NAP1L2: variants seen among roughly 807,000 people sequenced by gnomAD.
NAP1L2 encodes nucleosome assembly protein 1-like 2.
For missense variants in NAP1L2, 376 were observed against 338.5 expected (o/e 1.11, Z -0.87); for synonymous variants, 165 against 126.0 (o/e 1.31, Z -2.07).
Position 73,214,555 on chromosome X carries a change from A to G in NAP1L2, c.-63T>C. On this transcript the variant is annotated 5_prime_UTR_variant, in exon 1 of 1. Transcript: ENST00000373517. Reference sequence around the variant, plus strand: ...AGAGATCGGGAGACCAAACCTCCACAGGAAAAGACTCACCGAAATATCAGA... The same window carrying G: ...AGAGATCGGGAGACCAAACCTCCACGGGAAAAGACTCACCGAAATATCAGA... 1.8e-6 allele frequency: 2 copies of G among 1,101,151 alleles called. No homozygotes were observed. Among genetic ancestry groups the G allele is most frequent in the South Asian group, 2.1e-5 (1 of 46,583 alleles). The allele number at this position is 1,101,151 out of a possible 1,213,427, so 90.7% of individuals were successfully genotyped here. A position where few individuals can be genotyped will look rare whatever the true frequency, so the allele number is the denominator to read the frequency against.
rs1024415165 is a variant in NAP1L2 at position 73,213,371 on chromosome X, G to A, written c.1122C>T (p.Phe374=). The A allele has an allele frequency of 3.7e-5, 45 of 1,210,185 alleles. No individual in the cohort carries two copies. Among genetic ancestry groups the A allele is most frequent in the Non-Finnish European group, 4.7e-5 (42 of 895,245 alleles). The change falls in exon 1 of 1, where the codon TTC becomes TTT. Residue 374 remains phenylalanine, a synonymous_variant. Coordinates refer to ENST00000373517, the MANE Select transcript of NAP1L2 (RefSeq NM_021963.4). The stretch of plus-strand genomic sequence containing the variant: ...CATTTGAGGTGATTCCATGAGGAGA[G>A]AAAAAATTGAAAAATGAATCCTTGG... ...DFPKDSFFNF[F]SPHGITSNGR... is the part of the protein sequence containing the mutation.
rs774163492 is a variant in NAP1L2, at chrX:73,214,166, C to T, written c.327G>A (p.Lys109=). Residue 109 remains lysine (K), a synonymous_variant, in exon 1 of 1, where the codon AAG becomes AAA. Transcript: ENST00000373517. ...DFVESLPVKV[K]YRVLALKKLQ... Reference sequence around the variant, plus strand: ...GCTTTTTAAGGGCTAACACACGGTACTTAACTTTCACAGGTAGACTTTCAA... The same window carrying T: ...GCTTTTTAAGGGCTAACACACGGTATTTAACTTTCACAGGTAGACTTTCAA... 2 of 1,211,681 alleles carry T rather than the reference C, an allele frequency of 1.7e-6. No homozygotes were observed. The highest frequency in any genetic ancestry group is 1.7e-5 in the African/African-American group (1 of 57,742).
rs1004672844 is a variant in NAP1L2, at chrX:73,214,544, C to A, written c.-52G>T. The stretch of plus-strand genomic sequence containing the variant: ...GTGGCTACCACAGAGATCGGGAGAC[C>A]AAACCTCCACAGGAAAAGACTCACC... On this transcript the variant is annotated 5_prime_UTR_variant, in exon 1 of 1. Transcript: ENST00000373517. 1.1e-5 allele frequency: 12 copies of A among 1,122,340 alleles called. No individual in the cohort carries two copies. Among genetic ancestry groups the A allele is most frequent in the Non-Finnish European group, 1.4e-5 (12 of 834,394 alleles). The allele number at this position is 1,122,340 out of a possible 1,213,427, so 92.5% of individuals were successfully genotyped here.
chrX:73,213,575 A>G lies in NAP1L2; in HGVS notation c.918T>C (p.Tyr306=), dbSNP rs3747405. 1 of 1,211,659 alleles carries G rather than the reference A, an allele frequency of 8.3e-7. No homozygotes were observed. Among genetic ancestry groups the G allele is most frequent in the East Asian group, 3.0e-5 (1 of 33,853 alleles). Residue 306 remains tyrosine (Y), a synonymous_variant, in exon 1 of 1, where the codon TAT becomes TAC. Coordinates refer to ENST00000373517, the MANE Select transcript of NAP1L2 (RefSeq NM_021963.4). ...YFKNELLTKT[Y]VLKSKLAYYD... is the part of the protein sequence containing the mutation. ...AATATGCTAGCTTTGACTTCAGCAC[A>G]TAGGTCTTTGTCAACAACTCATTTT...
chrX:73,213,371 G>GA lies in NAP1L2; in HGVS notation c.1121dup (p.Ser375LeufsTer14). The GA allele has an allele frequency of 1.7e-6, 2 of 1,211,500 alleles. No homozygotes were observed. The highest frequency in any genetic ancestry group is 1.8e-5 in the South Asian group (1 of 56,951). On this transcript the variant is annotated frameshift_variant, in exon 1 of 1. Transcript: ENST00000373517. LOFTEE classifies it low-confidence loss of function (END_TRUNC). ...CATTTGAGGTGATTCCATGAGGAGA[G>GA]AAAAAATTGAAAAATGAATCCTTGG...
rs1420754344 is a variant in NAP1L2 at position 73,213,235 on chromosome X, C to T, written c.1258G>A (p.Val420Ile). Residue 420 changes from valine (V) to isoleucine (I), a missense_variant, in exon 1 of 1, where the codon GTA (valine) becomes ATA (isoleucine). Val to Ile is a conservative substitution (Grantham distance 29). Transcript: ENST00000373517. The stretch of plus-strand genomic sequence containing the variant: ...ATTGCATCATTAACTTCTCTAACTA[C>T]CCCCTCCTGCTGAGATTCCAGTGCA... ...GDALESQQEG[V>I]VREVNDAIYD... 7.4e-6 allele frequency: 9 copies of T among 1,209,270 alleles called. No individual in the cohort carries two copies. Among genetic ancestry groups the T allele is most frequent in the Non-Finnish European group, 1.0e-5 (9 of 894,384 alleles).
rs1399164117 is a variant in NAP1L2 at position 73,214,125 on chromosome X, G to A, written c.368C>T (p.Ala123Val). 1.7e-6 allele frequency: 2 copies of A among 1,209,108 alleles called. No homozygotes were observed. Among genetic ancestry groups the A allele is most frequent in the Non-Finnish European group, 2.2e-6 (2 of 895,136 alleles). ...LALKKLQTRA[A>V]NLESKFLREF... The stretch of plus-strand genomic sequence containing the variant: ...CCTCAGGAATTTGGATTCTAAATTG[G>A]CCGCTCTAGTTTGAAGCTTTTTAAG... Residue 123 changes from alanine to valine, a missense_variant, in exon 1 of 1, where the codon GCC (alanine) becomes GTC (valine). Transcript: ENST00000373517.
In NAP1L2 at chrX:73,213,397, G is replaced by A. The variant is rs1285007378; in HGVS notation, c.1096C>T (p.Pro366Ser). 5.0e-6 allele frequency: 6 copies of A among 1,210,187 alleles called. No individual in the cohort carries two copies. Among genetic ancestry groups the A allele is most frequent in the Non-Finnish European group, 5.6e-6 (5 of 895,278 alleles). ...GTIRTVTEDF[P>S]KDSFFNFFSP... ...AAAAAATTGAAAAATGAATCCTTGG[G>A]AAAATCTTCAGTTACAGTTCGGATT... The change falls in exon 1 of 1, where the codon CCC becomes TCC. Residue 366 changes from proline (P) to serine (S), a missense_variant. Pro to Ser is a moderately conservative substitution (Grantham distance 74). Transcript: ENST00000373517.
Position 73,212,632 on chromosome X carries a change from T to C in NAP1L2, c.*478A>G, listed in dbSNP as rs2056135709. The C allele has an allele frequency of 8.8e-6, 1 of 113,236 alleles. No homozygotes were observed. The highest frequency in any genetic ancestry group is 9.4e-5 in the Admixed American group (1 of 10,640). The allele number at this position is 113,236 out of a possible 1,213,427, so 9.3% of individuals were successfully genotyped here. The stretch of plus-strand genomic sequence containing the variant: ...TGAAATTCTTATCTATATGCAGGCC[T>C]CTTAAGCATCCAAGTTTTAAATTCT... On this transcript the variant is annotated 3_prime_UTR_variant, in exon 1 of 1. Transcript: ENST00000373517.
At position 73,214,760 on chromosome X, in the gene NAP1L2, T is replaced by C; in HGVS notation, c.-268A>G. The C allele has an allele frequency of 3.3e-6, 1 of 299,077 alleles. No individual in the cohort carries two copies. Among genetic ancestry groups the C allele is most frequent in the Non-Finnish European group, 6.1e-6 (1 of 163,520 alleles). 24.6% of individuals were successfully genotyped at this position (299,077 alleles called of 1,213,427 possible). A position where few individuals can be genotyped will look rare whatever the true frequency, so the allele number is the denominator to read the frequency against. On this transcript the variant is annotated 5_prime_UTR_variant, in exon 1 of 1. Coordinates refer to ENST00000373517, the MANE Select transcript of NAP1L2 (RefSeq NM_021963.4). ...GATCCTGCAGGAGAGAGCCGGAGAC[T>C]GCAGAGAGCTGCAGTGGGCAGACCT...
chrX:73,214,226 T>C lies in NAP1L2; in HGVS notation c.267A>G (p.Lys89=). Residue 89 remains lysine, a synonymous_variant, in exon 1 of 1, where the codon AAA becomes AAG. Transcript: ENST00000373517. ...TATCTAAAACATAACCGATAAGTCC[T>C]TTTGGACGGTCTGCCTCTGAGTCCT... The part of the protein sequence containing the change: ...TDEDSEADRP[K]GLIGYVLDTD... 1 of 1,211,468 alleles carries C rather than the reference T, an allele frequency of 8.3e-7. No individual in the cohort carries two copies. Among genetic ancestry groups the C allele is most frequent in the Non-Finnish European group, 1.1e-6 (1 of 895,471 alleles).
At position 73,214,335 on chromosome X, in the gene NAP1L2, G is replaced by C; in HGVS notation, c.158C>G (p.Ala53Gly). 2 of 1,211,011 alleles carry C rather than the reference G, an allele frequency of 1.7e-6. No homozygotes were observed. The highest frequency in any genetic ancestry group is 2.2e-6 in the Non-Finnish European group (2 of 895,306). Residue 53 changes from alanine to glycine, a missense_variant, in exon 1 of 1, where the codon GCT becomes GGT. By Grantham distance (60) the Ala-to-Gly change is moderately conservative. Transcript: ENST00000373517. ...GTTTTCCCCTTCTTCCCCAAGCCCA[G>C]CGGCAGCTTCTTCACCGCACTTCCC... ...DDGKCGEEAA[A>G]GLGEEGENGE... is the part of the protein sequence containing the mutation.
chrX:73,214,307 A>G lies in NAP1L2; in HGVS notation c.186T>C (p.Gly62=). 4 of 1,210,577 alleles carry G rather than the reference A, an allele frequency of 3.3e-6. No individual in the cohort carries two copies. The highest frequency in any genetic ancestry group is 4.5e-6 in the Non-Finnish European group (4 of 895,240). Residue 62 remains glycine (G), a synonymous_variant, in exon 1 of 1, where the codon GGT becomes GGC. Coordinates refer to ENST00000373517, the MANE Select transcript of NAP1L2 (RefSeq NM_021963.4). ...AAGLGEEGEN[G]EDTAAGSGED... ...CCCCGGACCCAGCAGCAGTATCTTC[A>G]CCGTTTTCCCCTTCTTCCCCAAGCC...
In NAP1L2 at chrX:73,213,058, C is replaced by A. The variant is rs1050911376; in HGVS notation, c.*52G>T. On this transcript the variant is annotated 3_prime_UTR_variant, in exon 1 of 1. Coordinates refer to ENST00000373517, the MANE Select transcript of NAP1L2 (RefSeq NM_021963.4). Reference sequence around the variant, plus strand: ...ATACAGAACACAAGGCTTCTTATACCTTGAGTAACTATATCTAGGGCAGTT... The same window carrying A: ...ATACAGAACACAAGGCTTCTTATACATTGAGTAACTATATCTAGGGCAGTT... 9.5e-7 allele frequency: 1 copy of A among 1,048,997 alleles called. No homozygotes were observed. Among genetic ancestry groups the A allele is most frequent in the African/African-American group, 1.9e-5 (1 of 52,796 alleles). 86.4% of individuals were successfully genotyped at this position (1,048,997 alleles called of 1,213,427 possible).
rs188770516 is a variant in NAP1L2, at chrX:73,214,506, G to T, written c.-14C>A. On this transcript the variant is annotated 5_prime_UTR_variant, in exon 1 of 1. Coordinates refer to ENST00000373517, the MANE Select transcript of NAP1L2 (RefSeq NM_021963.4). The stretch of plus-strand genomic sequence containing the variant: ...TGACTCGGCCATTTTTCAAAGGACC[G>T]TACACGCCTAAGGTGGCTACCACAG... 168 of 1,197,069 alleles carry T rather than the reference G, an allele frequency of 1.4e-4. 1 individual carries two copies. In the East Asian group the frequency reaches 4.6e-3, roughly 33 times the overall value.
At position 73,214,224 on chromosome X, in the gene NAP1L2, C is replaced by T; in HGVS notation, c.269G>A (p.Gly90Glu). 1 of 1,211,338 alleles carries T rather than the reference C, an allele frequency of 8.3e-7. No individual in the cohort carries two copies. The highest frequency in any genetic ancestry group is 1.1e-6 in the Non-Finnish European group (1 of 895,471). The change falls in exon 1 of 1, where the codon GGA becomes GAA. Residue 90 changes from glycine to glutamate, a missense_variant. Physicochemically the swap from Gly to Glu is moderately conservative, Grantham distance 98. Coordinates refer to ENST00000373517, the MANE Select transcript of NAP1L2 (RefSeq NM_021963.4). The part of the protein sequence containing the change: ...DEDSEADRPK[G>E]LIGYVLDTDF... ...TGTATCTAAAACATAACCGATAAGT[C>T]CTTTTGGACGGTCTGCCTCTGAGTC...
rs1480109790 is a variant in NAP1L2, at chrX:73,213,863, A to G, written c.630T>C (p.Tyr210=). 1 of 1,208,385 alleles carries G rather than the reference A, an allele frequency of 8.3e-7. No homozygotes were observed. The highest frequency in any genetic ancestry group is 1.1e-6 in the Non-Finnish European group (1 of 894,904). The change falls in exon 1 of 1, where the codon TAT becomes TAC. Residue 210 remains tyrosine, a synonymous_variant. Transcript: ENST00000373517. ...CCTCCTCCTCCTCCTCTTCCACAGC[A>G]TAATCATAATAATAGTCCTCATAAC... is the stretch of plus-strand genomic sequence containing the variant. The part of the protein sequence containing the change: ...DDGYEDYYYD[Y]AVEEEEEEEE...
rs1352257967 is a variant in NAP1L2 at position 73,212,325 on chromosome X, T to A, written c.*785A>T. 1 of 111,880 alleles carries A rather than the reference T, an allele frequency of 8.9e-6. No individual in the cohort carries two copies. The highest frequency in any genetic ancestry group is 1.9e-5 in the Non-Finnish European group (1 of 53,171). 9.2% of individuals were successfully genotyped at this position (111,880 alleles called of 1,213,427 possible). Reference sequence around the variant, plus strand: ...TTTAAACATGAGACACTCTGAAATTTTTATTCTTTTTATTTTGCAGTGAAA... The same window carrying A: ...TTTAAACATGAGACACTCTGAAATTATTATTCTTTTTATTTTGCAGTGAAA... On this transcript the variant is annotated 3_prime_UTR_variant, in exon 1 of 1. Transcript: ENST00000373517.
rs1187973012 is a variant in NAP1L2 at position 73,212,816 on chromosome X, C to T, written c.*294G>A. On this transcript the variant is annotated 3_prime_UTR_variant, in exon 1 of 1. Transcript: ENST00000373517. ...CCAAACAAATATTGATCTCACTTAG[C>T]ATTTCTGATCATTTCATAGCCACAG... 4.4e-6 allele frequency: 1 copy of T among 225,128 alleles called. No homozygotes were observed. Among genetic ancestry groups the T allele is most frequent in the Non-Finnish European group, 8.0e-6 (1 of 125,188 alleles). The allele number at this position is 225,128 out of a possible 1,213,427, so 18.6% of individuals were successfully genotyped here. A position where few individuals can be genotyped will look rare whatever the true frequency, so the allele number is the denominator to read the frequency against.
Sources: allele counts gnomAD v4.1 joint callset, GRCh38; gene constraint gnomAD v4.1.1; transcripts MANE v1.5; gene names NCBI Gene and HGNC (gene_info 2026-07-23, HGNC 2026-07-21).